Variants in VANGL2 observed in about 807,000 individuals in gnomAD.
VANGL2 encodes the protein VANGL planar cell polarity protein 2.
Under a neutral mutation model 50.2 loss-of-function variants are expected in VANGL2, and 14 were observed. That is an observed-to-expected ratio of 0.28 (90% CI 0.18 to 0.44). The LOEUF is 0.44. Among genes scored for constraint, VANGL2 ranks in the 20% least tolerant of loss-of-function variants. VANGL2 has a pLI of 1.00. For missense variants in VANGL2, 533 were observed against 701.5 expected (o/e 0.76, Z 2.71); for synonymous variants, 295 against 297.2 (o/e 0.99, Z 0.08).
chr1:160,412,963 G>A (rs1177768236), intron 1 of VANGL2, among the ~76,000 whole-genome samples: 5 of 152,190 alleles, frequency 3.3e-5, no homozygotes, highest in Admixed American at 3.3e-4. Flanking sequence ...GTAACATGCT[G>A]TACAGGTTTG....
At chr1:160,408,493 T>A (rs74123196) in intron 1 of VANGL2, among the ~76,000 whole-genome samples, 14,018 of 152,122 alleles carry the variant, frequency 0.092, 961 homozygotes, top group African/African-American at 0.2. Flanking sequence ...CGGTGCACCC[T>A]GCACTGGGGT....
rs1182941750 is a variant in VANGL2, at chr1:160,428,506, A to G, written c.*3128A>G. ...TACAGAGCTGAGACCTTGTGCATGC[A>G]TGTAGAAAATTGTAAAATGTAAATT... On this transcript the variant is annotated 3_prime_UTR_variant, in exon 8 of 8. Coordinates refer to ENST00000368061, the MANE Select transcript of VANGL2 (RefSeq NM_020335.3). 1 of 152,430 alleles carries G rather than the reference A, an allele frequency of 6.6e-6. No individual in the cohort carries two copies. The allele number at this position is 152,430 out of a possible 1,614,324, so 9.4% of individuals were successfully genotyped here.
chr1:160,402,709 CTCA>C (rs1650516153), intron 1 of VANGL2, among the ~76,000 whole-genome samples: 1 of 152,230 alleles, frequency 6.6e-6, no homozygotes, highest in Non-Finnish European at 1.5e-5. Flanking sequence ...TACTGCTATA[CTCA>C]TCATCATGAT....
intron 1 of VANGL2, among the ~76,000 whole-genome samples, chr1:160,415,240 G>A (rs902006374): frequency 6.6e-6 from 1 of 152,202 alleles, no homozygotes; most frequent in Non-Finnish European, 1.5e-5. Context: ...ACAGAAGCCC[G>A]CTCCTTTCTG....
rs573558988 is a variant in VANGL2, at chr1:160,420,419, G to A, written c.809G>A (p.Arg270His). The A allele has an allele frequency of 1.4e-5, 23 of 1,613,558 alleles. No individual in the cohort carries two copies. The African/African-American group carries it at 2.0e-4, about 14-fold the overall frequency. The change falls in exon 5 of 8, where the codon CGC (arginine) becomes CAC (histidine). Residue 270 changes from arginine to histidine, a missense_variant. By Grantham distance (29) the Arg-to-His change is conservative (BLOSUM62 0). Coordinates refer to ENST00000368061, the MANE Select transcript of VANGL2 (RefSeq NM_020335.3). The part of the protein sequence containing the change: ...FYNVGHLSIQ[R>H]VAVWILEKYY... ...TGCCGTCTCCCCCACAGCATCCAGC[G>A]CGTGGCAGTGTGGATCCTGGAGAAG... is the stretch of plus-strand genomic sequence containing the variant.
chr1:160,418,158 C>T (rs528745743), intron 3 of VANGL2, among the ~76,000 whole-genome samples: 30 of 152,230 alleles, frequency 2.0e-4, no homozygotes, highest in African/African-American at 6.5e-4. Context: ...CGACCTCAGG[C>T]GATCTGCCCA....
chr1:160,415,373 G>C (rs750910539), intron 1 of VANGL2, among the ~76,000 whole-genome samples: 3 of 152,202 alleles, frequency 2.0e-5, no homozygotes, highest in Non-Finnish European at 4.4e-5. Flanking sequence ...GAGGGCTTGG[G>C]GTTGGGTCAT....
intron 1 of VANGL2, among the ~76,000 whole-genome samples, chr1:160,405,613 AG>A (rs1031714783): frequency 8.2e-5 from 8 of 97,280 alleles, no homozygotes; most frequent in African/African-American, 3.2e-4. Flanking sequence ...CCTGGTAATC[AG>A]GGTGGGGCAG....
At chr1:160,405,891 A>G (rs1394447170) in intron 1 of VANGL2, among the ~76,000 whole-genome samples, 2 of 152,310 alleles carry the variant, frequency 1.3e-5, no homozygotes, top group East Asian at 3.9e-4. Flanking sequence ...GGTCTAATTT[A>G]GAACAGGGAC....
At chr1:160,410,876 C>G (rs1650860622) in intron 1 of VANGL2, among the ~76,000 whole-genome samples, 1 of 152,068 alleles carries the variant, frequency 6.6e-6, no homozygotes, top group Non-Finnish European at 1.5e-5. Context: ...CCCTATTGCC[C>G]CCACCTCCAT....
chr1:160,422,838 C>G (rs1043830970), intron 6 of VANGL2, among the ~76,000 whole-genome samples: 3 of 151,828 alleles, frequency 2.0e-5, no homozygotes, highest in Non-Finnish European at 2.9e-5. Flanking sequence ...CTATATGTAT[C>G]CTTGTGCAAA....
intron 1 of VANGL2, among the ~76,000 whole-genome samples, chr1:160,409,072 T>C (rs761201477): frequency 6.6e-6 from 1 of 152,222 alleles, no homozygotes; most frequent in Non-Finnish European, 1.5e-5. Context: ...AGCTGAGGCC[T>C]GTCTAGTCTC....
At chr1:160,406,517 G>A (rs1650664849) in intron 1 of VANGL2, among the ~76,000 whole-genome samples, 6 of 152,176 alleles carry the variant, frequency 3.9e-5, no homozygotes, top group Admixed American at 3.3e-4. Context: ...GATTTTGGAT[G>A]GGGGTTGGGG....
intron 3 of VANGL2, among the ~76,000 whole-genome samples, chr1:160,417,588 C>T (rs917594276): frequency 3.3e-5 from 5 of 152,228 alleles, no homozygotes; most frequent in Non-Finnish European, 7.3e-5. Flanking sequence ...GTGTCCTTCA[C>T]GCCTTCACCC....
chr1:160,404,791 A>G (rs1396797997), intron 1 of VANGL2, among the ~76,000 whole-genome samples: 2 of 152,198 alleles, frequency 1.3e-5, no homozygotes, highest in East Asian at 3.8e-4. Flanking sequence ...GTGTGGACAG[A>G]CTTTACCTGG....
In VANGL2 at chr1:160,419,759, G is replaced by T. The variant is rs544915010; in HGVS notation, c.800+150G>T. On this transcript the variant is annotated intron_variant, in intron 4 of 7. Coordinates refer to ENST00000368061, the MANE Select transcript of VANGL2 (RefSeq NM_020335.3). The surrounding 1 kb of genome is among the most constrained non-coding windows in gnomAD (Gnocchi z 5.8). ...GAGTTGAGTACTTTGCACCAAGTAG[G>T]TTTTCACCAATGTTTGCTGCTTGAT... 11 of 1,248,602 alleles carry T rather than the reference G, an allele frequency of 8.8e-6. 1 individual carries two copies. The South Asian group carries it at 1.7e-4, about 19-fold the overall frequency. 77.3% of individuals were successfully genotyped at this position (1,248,602 alleles called of 1,614,324 possible). A position where few individuals can be genotyped will look rare whatever the true frequency, so the allele number is the denominator to read the frequency against.
Position 160,424,234 on chromosome 1 carries a change from G to C in VANGL2, c.1256G>C (p.Ser419Thr). The C allele has an allele frequency of 6.2e-7, 1 of 1,614,194 alleles. No individual in the cohort carries two copies. The highest frequency in any genetic ancestry group is 8.5e-7 in the Non-Finnish European group (1 of 1,180,024). ...TKQQPYHTME[S>T]ILQHLEFCIT... ...CAGCAGCCCTACCACACCATGGAGA[G>C]CATCCTGCAGCACCTTGAATTCTGC... Residue 419 changes from serine (S) to threonine (T), a missense_variant, in exon 7 of 8, where the codon AGC becomes ACC. Physicochemically the swap from Ser to Thr is moderately conservative, Grantham distance 58 (BLOSUM62 1). Coordinates refer to ENST00000368061, the MANE Select transcript of VANGL2 (RefSeq NM_020335.3).
chr1:160,418,141 G>A (rs12089988), intron 3 of VANGL2, among the ~76,000 whole-genome samples: 15,350 of 152,048 alleles, frequency 0.1, 1,530 homozygotes, highest in African/African-American at 0.26. Flanking sequence ...GGCTGGTCTC[G>A]AACTCCCGAC....
At chr1:160,415,276 C>A (rs1651015061) in intron 1 of VANGL2, among the ~76,000 whole-genome samples, 1 of 152,180 alleles carries the variant, frequency 6.6e-6, no homozygotes, top group Admixed American at 6.5e-5. Context: ...ACTGATTCAG[C>A]CTGTTGGCCT....
Sources: allele counts gnomAD v4.1 joint callset (sites outside exome capture counted in the v4.1 genomes callset), GRCh38; gene constraint gnomAD v4.1.1; non-coding constraint Gnocchi (gnomAD v3.1); transcripts MANE v1.5; gene names NCBI Gene and HGNC (gene_info 2026-07-23, HGNC 2026-07-21).